Variants in PLXNA4 observed in about 807,000 individuals in gnomAD.
The protein encoded by PLXNA4 is plexin-A4.
PLXNA4 carries 44 observed loss-of-function variants against 191.8 expected under a neutral mutation model. The observed-to-expected ratio is 0.23, with a 90% CI of 0.18 to 0.29. The LOEUF (loss-of-function observed/expected upper bound fraction) is 0.29, where lower values mean the gene tolerates loss of function less well. PLXNA4 is among the 10% of genes least tolerant of loss of function. The pLI is 1.00. For missense variants in PLXNA4, 1,800 were observed against 2,488.8 expected (o/e 0.72, Z 5.89); for synonymous variants, 1,082 against 1,009.5 (o/e 1.07, Z -1.36).
intron 13 of PLXNA4, among the ~76,000 whole-genome samples, chr7:132,195,080 T>G (rs1258692593): frequency 1.3e-5 from 2 of 152,198 alleles, no homozygotes; most frequent in Non-Finnish European, 2.9e-5. Flanking sequence ...ATATGTATAT[T>G]TATATTTGTA....
intron 3 of PLXNA4, among the ~76,000 whole-genome samples, chr7:132,345,552 T>C (rs1039726170): frequency 6.6e-6 from 1 of 152,198 alleles, no homozygotes; most frequent in Non-Finnish European, 1.5e-5. Flanking sequence ...AATCCATGGT[T>C]CTAACACACA....
At chr7:132,185,578 G>A (rs1379304876) in intron 15 of PLXNA4, 115 bp from the exon 16 acceptor site, 4 of 1,421,828 alleles carry the variant, frequency 2.8e-6, no homozygotes. Flanking sequence ...GGCCATGGGT[G>A]GGTGCTCTCA....
intron 3 of PLXNA4, among the ~76,000 whole-genome samples, chr7:132,347,710 G>A (rs191981927): frequency 1.1e-3 from 171 of 152,294 alleles, no homozygotes; most frequent in Middle Eastern, 3.4e-3. Context: ...GAGGTCTGGG[G>A]AGGGAAGGCA....
intron 1 of PLXNA4, among the ~76,000 whole-genome samples, chr7:132,518,172 C>T (rs1445599147): frequency 6.6e-6 from 1 of 152,172 alleles, no homozygotes; most frequent in Admixed American, 6.5e-5. Context: ...CAGCTCCATT[C>T]GTCCCGGCCT....
At position 132,227,491 on chromosome 7, in the gene PLXNA4, G is replaced by T. The variant is rs1232856776; in HGVS notation, c.1842C>A (p.Ser614=). The T allele has an allele frequency of 6.2e-7, 1 of 1,614,176 alleles. No homozygotes were observed. Among genetic ancestry groups the T allele is most frequent in the Admixed American group, 1.7e-5 (1 of 60,026 alleles). The change falls in exon 7 of 32, where the codon TCC becomes TCA. Residue 614 remains serine (S), a synonymous_variant. Coordinates refer to ENST00000321063, the MANE Select transcript of PLXNA4 (RefSeq NM_020911.2). ...TCCGGGGCACCTCCTTGGCTGCAGG[G>T]GAGTAGCACTGGATCTGATTGCCCA... The part of the protein sequence containing the change: ...LVVGNQIQCY[S]PAAKEVPRII...
At chr7:132,327,823 C>A (rs1298350229) in intron 3 of PLXNA4, among the ~76,000 whole-genome samples, 3 of 152,166 alleles carry the variant, frequency 2.0e-5, no homozygotes, top group African/African-American at 4.8e-5. Context: ...GACACAAAGC[C>A]AGTCTCAGCA....
At chr7:132,140,507 C>T (rs1313916538) in intron 30 of PLXNA4, 92 bp downstream of exon 30, 1 of 1,518,026 alleles carries the variant, frequency 6.6e-7, no homozygotes, top group Non-Finnish European at 8.8e-7. Context: ...TCTGGAAACA[C>T]AGCTGGTTTT....
At chr7:132,588,682 AGGAGGGAG>A (rs1341905463) in intron 2 of PLXNA4, among the ~76,000 whole-genome samples, 1 of 40,806 alleles carries the variant, frequency 2.5e-5, no homozygotes, top group East Asian at 7.2e-4. Context: ...AAGGGAAGGG[AGGAGGGAG>A]GGAGGGAGGG....
intron 4 of PLXNA4, among the ~76,000 whole-genome samples, chr7:132,259,925 C>G (rs1027316703): frequency 6.6e-6 from 1 of 152,116 alleles, no homozygotes; most frequent in Non-Finnish European, 1.5e-5. Context: ...AAGGCAAAAA[C>G]TATGGAGACA....
chr7:132,456,926 T>G (rs985497883), intron 3 of PLXNA4, among the ~76,000 whole-genome samples: 1 of 152,198 alleles, frequency 6.6e-6, no homozygotes, highest in Non-Finnish European at 1.5e-5. Flanking sequence ...GTATTTTTTT[T>G]AACCTCATCA....
At chr7:132,547,580 C>T (rs1466973067) in intron 1 of PLXNA4, among the ~76,000 whole-genome samples, 1 of 152,096 alleles carries the variant, frequency 6.6e-6, no homozygotes, top group Admixed American at 6.5e-5. Flanking sequence ...TCTGGGGCTC[C>T]TCCTGGGATC....
chr7:132,306,560 G>T (rs955303127), intron 3 of PLXNA4, among the ~76,000 whole-genome samples: 8 of 152,190 alleles, frequency 5.3e-5, no homozygotes, highest in African/African-American at 1.9e-4. Flanking sequence ...GGACCCACAG[G>T]TTCTAAATGA....
chr7:132,345,660 C>T (rs1803216768), intron 3 of PLXNA4, among the ~76,000 whole-genome samples: 1 of 152,168 alleles, frequency 6.6e-6, no homozygotes, highest in African/African-American at 2.4e-5. Flanking sequence ...AACTCCCCTC[C>T]AATAACCAGA....
chr7:132,270,581 A>G (rs73157241), intron 4 of PLXNA4, among the ~76,000 whole-genome samples: 7,879 of 152,318 alleles, frequency 0.052, 341 homozygotes, highest in African/African-American at 0.11. Flanking sequence ...AATTTGTGGG[A>G]TAGAGGAATG....
rs754885412 is a variant in PLXNA4, at chr7:132,124,938, A to AGTAT, written c.*5537_*5540dup. 5 of 152,180 alleles carry AGTAT rather than the reference A, an allele frequency of 3.3e-5. No homozygotes were observed. Among genetic ancestry groups the AGTAT allele is most frequent in the Non-Finnish European group, 7.3e-5 (5 of 68,036 alleles). 9.4% of individuals were successfully genotyped at this position (152,180 alleles called of 1,614,324 possible). ...AAGGAATTTAATCGGGATCCTAATGAGTATGTATTTCTCTTACAACCAAAA... is the reference window on the plus strand; with the variant it reads ...AAGGAATTTAATCGGGATCCTAATGAGTATGTATGTATTTCTCTTACAACCAAAA... On this transcript the variant is annotated 3_prime_UTR_variant, in exon 32 of 32. Coordinates refer to ENST00000321063, the MANE Select transcript of PLXNA4 (RefSeq NM_020911.2).
intron 1 of PLXNA4, among the ~76,000 whole-genome samples, chr7:132,538,408 G>A (rs1046676265): frequency 6.6e-6 from 1 of 152,212 alleles, no homozygotes; most frequent in Admixed American, 6.5e-5. Context: ...CAAGGTGAAT[G>A]GAACTGAAGT....
intron 3 of PLXNA4, chr7:132,366,047 A>G (rs1804170230): frequency 3.3e-5 from 5 of 152,194 alleles, no homozygotes; most frequent in Admixed American, 3.3e-4. Flanking sequence ...CTGTAATCCA[A>G]TCATGAAGCC....
intron 13 of PLXNA4, among the ~76,000 whole-genome samples, chr7:132,197,116 C>T (rs188285151): frequency 5.9e-5 from 9 of 152,270 alleles, no homozygotes; most frequent in South Asian, 2.1e-4. Flanking sequence ...TGTTATACTT[C>T]GCACAAGTTC....
At chr7:132,398,867 G>C (rs2060316) in intron 3 of PLXNA4, among the ~76,000 whole-genome samples, 150,260 of 152,266 alleles carry the variant, frequency 0.99, 74,149 homozygotes, top group East Asian at 1. Context: ...CTTTGAAAGG[G>C]AGGGCTGTTG....
Sources: gnomAD v4.1 joint callset for allele counts (sites outside exome capture counted in the v4.1 genomes callset) on GRCh38, gnomAD v4.1.1 for gene constraint, MANE v1.5 for transcripts, NCBI Gene and HGNC (gene_info 2026-07-23, HGNC 2026-07-21) for gene names.